Variants in KIF17 observed in about 807,000 individuals in gnomAD.
KIF17 encodes the protein kinesin-like protein KIF17.
KIF17 carries 80 observed loss-of-function variants against 96.8 expected under a neutral mutation model. That is an observed-to-expected ratio of 0.83 (90% CI 0.69 to 1.00). KIF17 has a LOEUF of 1.00. Among genes scored for constraint, KIF17 ranks in the 50% least tolerant of loss-of-function variants. KIF17 has a pLI of 0.00. For synonymous variants in KIF17, 567 were observed against 587.5 expected (o/e 0.97, Z 0.51); for missense variants, 1,280 against 1,372.9 (o/e 0.93, Z 1.07).
Position 20,704,694 on chromosome 1 carries a change from C to G in KIF17, c.876G>C (p.Leu292=). The change falls in exon 5 of 15, where the codon CTG becomes CTC. Residue 292 remains leucine (L), a synonymous_variant. Coordinates refer to ENST00000400463, the MANE Select transcript of KIF17 (RefSeq NM_001122819.3). This position sits in a 1 kb window ranked among gnomAD's most constrained non-coding sequence, Gnocchi z 6.8. ...CKHVPYRDSK[L]TRLLQDSLGG... ...CCAGTGAGTCCTGCAGCAGCCGCGTCAGCTTCGAGTCACGGTAGGGGACGT... is the reference window on the plus strand; with the variant it reads ...CCAGTGAGTCCTGCAGCAGCCGCGTGAGCTTCGAGTCACGGTAGGGGACGT... The G allele has an allele frequency of 6.2e-7, 1 of 1,614,148 alleles. No individual in the cohort carries two copies. The highest frequency in any genetic ancestry group is 1.1e-5 in the South Asian group (1 of 91,086).
At chr1:20,697,362 C>T (rs2054160401) in intron 6 of KIF17, among the ~76,000 whole-genome samples, 1 of 152,222 alleles carries the variant, frequency 6.6e-6, no homozygotes, top group African/African-American at 2.4e-5. Flanking sequence ...AATCCCAACA[C>T]TTTGGGAGGT....
intron 13 of KIF17, 101 bp downstream of exon 13, chr1:20,670,320 G>A (rs1050505024): frequency 9.4e-6 from 11 of 1,170,022 alleles, no homozygotes; most frequent in Admixed American, 1.7e-5. Context: ...TAGGCGGGAG[G>A]AAAGTGGAAA....
In KIF17 at chr1:20,670,436, A is replaced by G. The variant is rs116682576; in HGVS notation, c.2775T>C (p.Asn925=). Residue 925 remains asparagine (N), a synonymous_variant, in exon 13 of 15, where the codon AAT becomes AAC. Transcript: ENST00000400463. The part of the protein sequence containing the change: ...KPARKTSAAD[N]GEPNMEDDRY... ...CGGTCCTCACCATGTTCGGCTCGCC[A>G]TTGTCTGCTGCAGAGGTTTTGCGGG... 1,411 of 1,613,900 alleles carry G rather than the reference A, an allele frequency of 8.7e-4. 9 individuals carry two copies. In the African/African-American group the frequency reaches 0.017, roughly 19 times the overall value.
chr1:20,687,709 A>C lies in KIF17; in HGVS notation c.1617T>G (p.Ser539Arg). The C allele has an allele frequency of 5.0e-6, 8 of 1,614,186 alleles. No individual in the cohort carries two copies. Among genetic ancestry groups the C allele is most frequent in the Non-Finnish European group, 6.8e-6 (8 of 1,180,022 alleles). ...AGGTTTCTTCGAGCGAGGATGACTC[A>C]CTGGAGCCCAGAGAAATCTCAGATT... is the stretch of plus-strand genomic sequence containing the variant. ...PSKSEISLGSSESSSLEETSV... is the reference protein window; with the variant it reads ...PSKSEISLGSRESSSLEETSV... Residue 539 changes from serine to arginine, a missense_variant, in exon 8 of 15, where the codon AGT becomes AGG. Ser to Arg is a moderately radical substitution (Grantham distance 110). Transcript: ENST00000400463. This position sits in a 1 kb window ranked among gnomAD's most constrained non-coding sequence, Gnocchi z 4.4.
intron 1 of KIF17, among the ~76,000 whole-genome samples, chr1:20,716,539 C>A (rs753109825): frequency 1.3e-5 from 2 of 152,174 alleles, no homozygotes; most frequent in South Asian, 2.1e-4. Flanking sequence ...GCTTTCCAGG[C>A]GGCAAAGACA....
At chr1:20,669,288 AG>A (rs2053593520) in intron 13 of KIF17, among the ~76,000 whole-genome samples, 1 of 152,002 alleles carries the variant, frequency 6.6e-6, no homozygotes, top group South Asian at 2.1e-4. Flanking sequence ...CTATAATCCC[AG>A]CACTTTGGAA....
chr1:20,709,802 C>T lies in KIF17; in HGVS notation c.507G>A (p.Val169=), dbSNP rs373973843. ...TGTGCATGGACAGCCCCTTCACGTACACGCCCTTCTCTGGGTGCTCCTTCA... is the reference window on the plus strand; with the variant it reads ...TGTGCATGGACAGCCCCTTCACGTATACGCCCTTCTCTGGGTGCTCCTTCA... ...LELKEHPEKG[V]YVKGLSMHTV... The change falls in exon 4 of 15, where the codon GTG becomes GTA. Residue 169 remains valine, a synonymous_variant. Coordinates refer to ENST00000400463, the MANE Select transcript of KIF17 (RefSeq NM_001122819.3). The surrounding 1 kb of genome is among the most constrained non-coding windows in gnomAD (Gnocchi z 4.7). 4 of 1,613,034 alleles carry T rather than the reference C, an allele frequency of 2.5e-6. No homozygotes were observed. In the African/African-American group the frequency reaches 5.3e-5, roughly 22 times the overall value.
intron 7 of KIF17, among the ~76,000 whole-genome samples, chr1:20,688,866 TCTC>T (rs2053986995): frequency 6.6e-6 from 1 of 152,160 alleles, no homozygotes; most frequent in Admixed American, 6.5e-5. Context: ...TTCCCCTGGG[TCTC>T]CTCCAGGAGC....
chr1:20,686,818 CCCAA>C (rs2053946526), intron 8 of KIF17, among the ~76,000 whole-genome samples: 1 of 152,224 alleles, frequency 6.6e-6, no homozygotes, highest in African/African-American at 2.4e-5. Context: ...ACCTCGGTCT[CCCAA>C]AGTTCTGGGA....
At chr1:20,697,465 G>A (rs2054162389) in intron 6 of KIF17, among the ~76,000 whole-genome samples, 1 of 152,052 alleles carries the variant, frequency 6.6e-6, no homozygotes, top group Admixed American at 6.6e-5. Flanking sequence ...AAATTAGCCA[G>A]GCGTTATGAC....
rs147655689 is a variant in KIF17, at chr1:20,680,323, G to C, written c.2463+2330C>G. Among the ~76,000 whole-genome samples, 334 of 152,264 alleles carry C rather than the reference G, an allele frequency of 2.2e-3. 3 individuals are homozygous for C. The highest frequency in any genetic ancestry group is 6.5e-3 in the Admixed American group (100 of 15,290). The stretch of plus-strand genomic sequence containing the variant: ...AAAAGAACAGATGTGTCTAACCAAA[G>C]CTACCAGAAGAAACAGAAAATAAAA... On this transcript the variant is annotated intron_variant, in intron 11 of 14. Coordinates refer to ENST00000400463, the MANE Select transcript of KIF17 (RefSeq NM_001122819.3).
chr1:20,671,952 GT>G lies in KIF17; in HGVS notation c.2707del (p.Thr903ProfsTer5). ...AAGCTCCTGACCTACTGGGAGGCTG[GT>G]TTTTGTGATGACGGGATGTGGGATC... ...WKIPHPVITK[T>X]SLPVVSTGPQ... On this transcript the variant is annotated frameshift_variant, in exon 12 of 15. Transcript: ENST00000400463. LOFTEE classifies it high-confidence loss of function. 2 of 1,613,742 alleles carry G rather than the reference GT, an allele frequency of 1.2e-6. No individual in the cohort carries two copies. The highest frequency in any genetic ancestry group is 1.7e-6 in the Non-Finnish European group (2 of 1,180,012).
At chr1:20,682,544 TAA>T in intron 11 of KIF17, 107 bp downstream of exon 11, 1 of 881,938 alleles carries the variant, frequency 1.1e-6, no homozygotes, top group South Asian at 1.3e-5. Context: ...GCCTGCTGTG[TAA>T]AGAGTAGAGG....
chr1:20,691,026 C>T (rs1327170805), intron 6 of KIF17, among the ~76,000 whole-genome samples: 3 of 151,638 alleles, frequency 2.0e-5, no homozygotes, highest in African/African-American at 4.8e-5. Flanking sequence ...GTAGGCCGGG[C>T]GTGGTGGCTC....
At chr1:20,713,584 A>G in intron 2 of KIF17, 29 bp from the exon 3 acceptor site, 2 of 1,567,880 alleles carry the variant, frequency 1.3e-6, no homozygotes. Context: ...AAGAACCTAG[A>G]CCTCAGAGCT....
intron 2 of KIF17, among the ~76,000 whole-genome samples, chr1:20,714,154 T>C (rs537440098): frequency 2.0e-5 from 3 of 152,254 alleles, no homozygotes; most frequent in South Asian, 4.1e-4. Context: ...GGTGAAACCC[T>C]GTCGCTACTA....
chr1:20,707,787 ATGTGTGTGTGTGTGTG>A lies in KIF17; in HGVS notation c.670+1836_670+1851del, dbSNP rs3077930. On this transcript the variant is annotated intron_variant, in intron 4 of 14. Coordinates refer to ENST00000400463, the MANE Select transcript of KIF17 (RefSeq NM_001122819.3). Reference sequence around the variant, plus strand: ...CAAAAAAAAAAACAAACCAATGTGTATGTGTGTGTGTGTGTGTGTGTGTGTGTGTGTGTGTGTGTGT... The same window carrying A: ...CAAAAAAAAAAACAAACCAATGTGTATGTGTGTGTGTGTGTGTGTGTGTGT... Among the ~76,000 whole-genome samples the A allele has an allele frequency of 1.2e-3, 147 of 124,558 alleles. 2 individuals carry two copies. The Middle Eastern group carries it at 0.016, about 14-fold the overall frequency. The allele number at this position is 124,558 out of a possible 152,430, so 81.7% of individuals were successfully genotyped here. A position where few individuals can be genotyped will look rare whatever the true frequency, so the allele number is the denominator to read the frequency against.
chr1:20,699,575 T>C lies in KIF17; in HGVS notation c.1124-1087A>G, dbSNP rs1317336439. ...AGCAAGACTCCGTCTCAAAAATAAA[T>C]AAATAAATAGCTTATTTATTGAAGG... On this transcript the variant is annotated intron_variant, in intron 5 of 14. Transcript: ENST00000400463. The surrounding 1 kb of genome is among the most constrained non-coding windows in gnomAD (Gnocchi z 4.3). Among the ~76,000 whole-genome samples, 1 of 152,036 alleles carries C rather than the reference T, an allele frequency of 6.6e-6. No homozygotes were observed. The highest frequency in any genetic ancestry group is 2.4e-5 in the African/African-American group (1 of 41,400).
rs1214802017 is a variant in KIF17 at position 20,717,768 on chromosome 1, A to C, written c.-62T>G. 8 of 1,471,598 alleles carry C rather than the reference A, an allele frequency of 5.4e-6. No individual in the cohort carries two copies. Among genetic ancestry groups the C allele is most frequent in the Admixed American group, 2.4e-5 (1 of 42,106 alleles). 91.2% of individuals were successfully genotyped at this position (1,471,598 alleles called of 1,614,324 possible). ...CCCCGCCCCGCCGGGGACTCCCAGCAGCCCGGGCCAAGGGGCGGGGCCAGC... is the reference window on the plus strand; with the variant it reads ...CCCCGCCCCGCCGGGGACTCCCAGCCGCCCGGGCCAAGGGGCGGGGCCAGC... On this transcript the variant is annotated 5_prime_UTR_variant, in exon 1 of 15. Coordinates refer to ENST00000400463, the MANE Select transcript of KIF17 (RefSeq NM_001122819.3).
Sources: allele counts gnomAD v4.1 joint callset (sites outside exome capture counted in the v4.1 genomes callset), GRCh38; gene constraint gnomAD v4.1.1; non-coding constraint Gnocchi (gnomAD v3.1); transcripts MANE v1.5; gene names NCBI Gene and HGNC (gene_info 2026-07-23, HGNC 2026-07-21).